COL4A6: variants seen among roughly 807,000 people sequenced by gnomAD.
The protein encoded by COL4A6 is collagen alpha-6(IV) chain.
In COL4A6, 59 loss-of-function variants were observed where a neutral mutation model predicts 126.7. That is an observed-to-expected ratio of 0.47 (90% confidence interval 0.38 to 0.58). COL4A6 has a LOEUF of 0.58. COL4A6 is among the 20% of genes least tolerant of loss of function. The pLI, the probability that COL4A6 is intolerant of heterozygous loss-of-function variation, is 0.00. For synonymous variants in COL4A6, 547 were observed against 496.6 expected (o/e 1.10, Z -1.35); for missense variants, 1,285 against 1,337.3 (o/e 0.96, Z 0.61).
At chrX:108,158,078 C>T (rs1161914147) in intron 44 of COL4A6, among the ~76,000 whole-genome samples, 1 of 112,761 alleles carries the variant, frequency 8.9e-6, no homozygotes, top group African/African-American at 3.2e-5. Context: ...CCTTTCCTGA[C>T]AACCGAAGCA....
In COL4A6 at chrX:108,293,995, C is replaced by T. The variant is rs145458959; in HGVS notation, c.144+16753G>A. 1.0e-3 allele frequency among the ~76,000 whole-genome samples: 116 copies of T among 112,406 alleles called. 4 individuals are homozygous for T. The East Asian group carries it at 0.031, about 30-fold the overall frequency. On this transcript the variant is annotated intron_variant, in intron 3 of 44. Transcript: ENST00000334504. ...ACTTGACAAGTACTCTATAATTCCA[C>T]ATTCTATCCACTCACTGATGCTACC...
chrX:108,160,130 T>C (rs2033874314), intron 43 of COL4A6, among the ~76,000 whole-genome samples: 1 of 112,286 alleles, frequency 8.9e-6, no homozygotes, highest in Non-Finnish European at 1.9e-5. Context: ...TAACATTTAA[T>C]GGATGCTTAA....
At chrX:108,214,355 C>A (rs972598519) in intron 5 of COL4A6, 127 bp from the exon 6 acceptor site, 3 of 478,430 alleles carry the variant, frequency 6.3e-6, no homozygotes, top group Non-Finnish European at 7.3e-6. Flanking sequence ...TTAGCCCCAT[C>A]ATGTATGTTT....
intron 2 of COL4A6, among the ~76,000 whole-genome samples, chrX:108,416,966 A>G (rs1305835524): frequency 8.9e-6 from 1 of 112,251 alleles, no homozygotes; most frequent in Non-Finnish European, 1.9e-5. Flanking sequence ...GAATTAAGAA[A>G]TATTTGAGCC....
chrX:108,201,835 C>T (rs946720686), intron 13 of COL4A6, among the ~76,000 whole-genome samples: 4 of 111,470 alleles, frequency 3.6e-5, no homozygotes, highest in African/African-American at 1.3e-4. Context: ...CATTCCCTCT[C>T]CCCTTCCTCC....
rs770801415 is a variant in COL4A6, at chrX:108,175,169, A to G, written c.2877T>C (p.Arg959=). ...CTTTGAGCCAAAGGTTTGACATTGG[A>G]CGTCTTGGACTAGGTATTCCGACTG... is the stretch of plus-strand genomic sequence containing the variant. ...PGPVGIPSPR[R]PMSNLWLKGD... Residue 959 remains arginine (R), a synonymous_variant, in exon 30 of 45, where the codon CGT becomes CGC. Coordinates refer to ENST00000334504, the MANE Select transcript of COL4A6 (RefSeq NM_033641.4). 2 of 1,202,033 alleles carry G rather than the reference A, an allele frequency of 1.7e-6. No individual in the cohort carries two copies. Among genetic ancestry groups the G allele is most frequent in the South Asian group, 3.6e-5 (2 of 55,105 alleles).
rs757003230 is a variant in COL4A6, at chrX:108,323,440, A to G, written c.64-12612T>C. On this transcript the variant is annotated intron_variant, in intron 2 of 44. Transcript: ENST00000334504. ...GATATGCTTCTAAAACTTGGATGTG[A>G]TTGTTCTGTCTTCACTCAAAAGCCT... 3.6e-5 allele frequency among the ~76,000 whole-genome samples: 4 copies of G among 111,904 alleles called. No individual in the cohort carries two copies. In the South Asian group the frequency reaches 1.5e-3, roughly 42 times the overall value.
At chrX:108,243,402 C>T (rs1179489143) in intron 3 of COL4A6, among the ~76,000 whole-genome samples, 1 of 110,055 alleles carries the variant, frequency 9.1e-6, no homozygotes, top group African/African-American at 3.3e-5. Flanking sequence ...GAACTGGTGC[C>T]CTTATAAGGA....
chrX:108,396,505 C>A (rs1172211281), intron 2 of COL4A6, among the ~76,000 whole-genome samples: 1 of 111,648 alleles, frequency 9.0e-6, no homozygotes, highest in Non-Finnish European at 1.9e-5. Flanking sequence ...TGTACTCCAG[C>A]ACAAAGGCAT....
intron 2 of COL4A6, among the ~76,000 whole-genome samples, chrX:108,409,408 A>G (rs1156824181): frequency 1.8e-5 from 2 of 112,326 alleles, no homozygotes; most frequent in Middle Eastern, 4.2e-3. Flanking sequence ...ATTAGTAGCA[A>G]CAATCAAGTG....
rs755769432 is a variant in COL4A6 at position 108,301,543 on chromosome X, T to C, written c.144+9205A>G. Among the ~76,000 whole-genome samples the C allele has an allele frequency of 2.7e-5, 3 of 110,986 alleles. No homozygotes were observed. In the Admixed American group the frequency reaches 2.9e-4, roughly 11 times the overall value. On this transcript the variant is annotated intron_variant, in intron 3 of 44. Transcript: ENST00000334504. ...ATCACAACAATCTGACTGCAACGAG[T>C]AATGCAGGGAGCTCAGCTGATTATG...
intron 2 of COL4A6, among the ~76,000 whole-genome samples, chrX:108,398,659 T>C (rs1295373195): frequency 9.0e-6 from 1 of 111,064 alleles, no homozygotes; most frequent in South Asian, 3.8e-4. Flanking sequence ...ATAGGACCTA[T>C]AGGATTACCA....
At chrX:108,189,478 A>G (rs2034971432) in intron 20 of COL4A6, among the ~76,000 whole-genome samples, 1 of 112,278 alleles carries the variant, frequency 8.9e-6, no homozygotes. Flanking sequence ...TTCCATACTT[A>G]GAGAAAATCT....
Position 108,313,212 on chromosome X carries a change from G to A in COL4A6, c.64-2384C>T, listed in dbSNP as rs2038801508. Among the ~76,000 whole-genome samples the A allele has an allele frequency of 3.6e-5, 4 of 111,744 alleles. No homozygotes were observed. In the South Asian group the frequency reaches 1.5e-3, roughly 42 times the overall value. On this transcript the variant is annotated intron_variant, in intron 2 of 44. Coordinates refer to ENST00000334504, the MANE Select transcript of COL4A6 (RefSeq NM_033641.4). ...ACCAGACTAGACCTGAGAAGCCTCT[G>A]CCTTATCCTGGCTTGTCTGGGGACA...
intron 12 of COL4A6, 117 bp from the exon 13 acceptor site, chrX:108,203,098 G>C (rs997828295): frequency 3.3e-6 from 2 of 597,061 alleles, no homozygotes; most frequent in Non-Finnish European, 5.6e-6. Context: ...ATCAAGATTA[G>C]GGTAGCAGAG....
At chrX:108,386,896 G>A (rs756781988) in intron 2 of COL4A6, among the ~76,000 whole-genome samples, 10 of 111,767 alleles carry the variant, frequency 8.9e-5, no homozygotes, top group African/African-American at 1.6e-4. Context: ...TTTTGTATAA[G>A]GTGTAAGGAA....
At chrX:108,432,546 C>T (rs1403915291) in intron 2 of COL4A6, among the ~76,000 whole-genome samples, 1 of 111,944 alleles carries the variant, frequency 8.9e-6, no homozygotes, top group Non-Finnish European at 1.9e-5. Flanking sequence ...TCTTAAAAAA[C>T]AAGAGGAGGC....
chrX:108,234,379 C>T (rs1243172161), intron 3 of COL4A6, among the ~76,000 whole-genome samples: 1 of 111,916 alleles, frequency 8.9e-6, no homozygotes, highest in Admixed American at 9.5e-5. Context: ...GTATTGAATC[C>T]TCTTGACTCT....
intron 15 of COL4A6, 93 bp from the exon 16 acceptor site, chrX:108,194,680 T>C (rs1171271600): frequency 2.3e-6 from 2 of 876,180 alleles, no homozygotes; most frequent in Non-Finnish European, 3.3e-6. Flanking sequence ...GGCACAGGGA[T>C]CTTGGATGAC....
Sources: allele counts gnomAD v4.1 joint callset (sites outside exome capture counted in the v4.1 genomes callset), GRCh38; gene constraint gnomAD v4.1.1; transcripts MANE v1.5; gene names NCBI Gene and HGNC (gene_info 2026-07-23, HGNC 2026-07-21).